The following KNTC1 variants were observed in gnomAD, a reference collection of about 807,000 sequenced individuals.
KNTC1 encodes kinetochore-associated protein 1.
KNTC1 carries 253 observed loss-of-function variants against 314.4 expected under a neutral mutation model. That is an observed-to-expected ratio of 0.80 (90% CI 0.73 to 0.89). KNTC1 has a LOEUF of 0.89. Ranked by LOEUF, KNTC1 falls within the 40% of genes least tolerant of loss-of-function variation. KNTC1 has a pLI of 0.00. For synonymous variants in KNTC1, 901 were observed against 901.4 expected, an observed-to-expected ratio of 1.00 and a Z score of 0.01; for missense variants, 2,475 against 2,572.9, an observed-to-expected ratio of 0.96 and a Z score of 0.82.
intron 33 of KNTC1, among the ~76,000 whole-genome samples, chr12:122,582,341 C>T (rs978593430): frequency 6.6e-6 from 1 of 152,108 alleles, no homozygotes; most frequent in East Asian, 1.9e-4. Flanking sequence ...TGGTGTGAGA[C>T]TAGAAGGTGG....
chr12:122,565,367 G>C (rs1204943150), intron 20 of KNTC1, among the ~76,000 whole-genome samples: 1 of 151,558 alleles, frequency 6.6e-6, no homozygotes, highest in Non-Finnish European at 1.5e-5. Context: ...TGATCCTCCT[G>C]CCTCGGCCTC....
intron 55 of KNTC1, among the ~76,000 whole-genome samples, chr12:122,614,108 G>A (rs1177378548): frequency 6.6e-6 from 1 of 152,130 alleles, no homozygotes; most frequent in Non-Finnish European, 1.5e-5. Context: ...TGGGATTACA[G>A]GCATGAGCCA....
At chr12:122,579,693 C>G (rs1965272299) in intron 31 of KNTC1, among the ~76,000 whole-genome samples, 2 of 152,076 alleles carry the variant, frequency 1.3e-5, no homozygotes, top group Admixed American at 6.6e-5. Flanking sequence ...GTTGCATATT[C>G]TTTGATATTT....
intron 24 of KNTC1, 81 bp downstream of exon 24, chr12:122,571,207 G>C (rs1964661056): frequency 1.2e-5 from 12 of 988,544 alleles, no homozygotes; most frequent in Non-Finnish European, 1.8e-5. Flanking sequence ...TGAAGTATCT[G>C]GAAATATATC....
At chr12:122,622,712 G>GCTGAGGTGGGTGGATCAC (rs1566024944) in intron 62 of KNTC1, 105 bp downstream of exon 62, 2 of 915,670 alleles carry the variant, frequency 2.2e-6, no homozygotes, top group Non-Finnish European at 3.2e-6. Flanking sequence ...ACTTTGGGAA[G>GCTGAGGTGGGTGGATCAC]CTGAGGTGGG....
At chr12:122,594,460 G>A (rs1282700829) in intron 43 of KNTC1, 75 bp downstream of exon 43, 2 of 857,322 alleles carry the variant, frequency 2.3e-6, no homozygotes, top group Non-Finnish European at 3.9e-6. Context: ...CAGTAATAAC[G>A]ATGATTATTT....
At chr12:122,570,662 A>G (rs949675937) in intron 22 of KNTC1, among the ~76,000 whole-genome samples, 1 of 152,158 alleles carries the variant, frequency 6.6e-6, no homozygotes, top group African/African-American at 2.4e-5. Flanking sequence ...CCATGTTGTG[A>G]TTATTTCACA....
chr12:122,536,691 G>C (rs1961867418), intron 3 of KNTC1, among the ~76,000 whole-genome samples: 1 of 150,892 alleles, frequency 6.6e-6, no homozygotes, highest in Admixed American at 6.6e-5. Flanking sequence ...GGTAATTTTT[G>C]TATTTTTAGT....
intron 6 of KNTC1, among the ~76,000 whole-genome samples, chr12:122,543,347 C>T (rs1962495062): frequency 6.6e-6 from 1 of 152,156 alleles, no homozygotes; most frequent in South Asian, 2.1e-4. Context: ...GTGAGAAGCA[C>T]AGGAGAGTTG....
chr12:122,605,079 A>C lies in KNTC1; in HGVS notation c.5378A>C (p.Asp1793Ala), dbSNP rs762907888. ...NQRIQNSSGT[D>A]YPDIHAAAKE... ...AGAATTCAGAATTCATCTGGCACAGATTATCCTGGTGAGGACAAAACAATT... is the reference window on the plus strand; with the variant it reads ...AGAATTCAGAATTCATCTGGCACAGCTTATCCTGGTGAGGACAAAACAATT... The change falls in exon 50 of 64, where the codon GAT (aspartate) becomes GCT (alanine). Residue 1793 changes from aspartate (D) to alanine (A), a missense_variant. Transcript: ENST00000333479. The C allele has an allele frequency of 6.2e-7, 1 of 1,608,748 alleles. No homozygotes were observed. The highest frequency in any genetic ancestry group is 1.3e-5 in the African/African-American group (1 of 74,852).
intron 62 of KNTC1, among the ~76,000 whole-genome samples, chr12:122,624,106 C>G (rs533878150): frequency 6.6e-6 from 1 of 152,126 alleles, no homozygotes; most frequent in Admixed American, 6.6e-5. Context: ...TAACATGTCT[C>G]TTTTTCATAA....
intron 51 of KNTC1, among the ~76,000 whole-genome samples, chr12:122,605,963 C>T (rs1002981124): frequency 3.3e-5 from 5 of 152,216 alleles, no homozygotes; most frequent in African/African-American, 1.2e-4. Context: ...CCACCTCAGC[C>T]TCCCGAGTAG....
At chr12:122,580,923 G>A (rs1369627804) in intron 33 of KNTC1, among the ~76,000 whole-genome samples, 2 of 152,104 alleles carry the variant, frequency 1.3e-5, no homozygotes, top group East Asian at 3.9e-4. Flanking sequence ...AGCTACTCGG[G>A]AGGCCGAGGC....
At chr12:122,562,616 T>C in intron 19 of KNTC1, 22 bp from the exon 20 acceptor site, 2 of 1,404,476 alleles carry the variant, frequency 1.4e-6, no homozygotes, top group Non-Finnish European at 2.0e-6. Context: ...AAATTCAGAT[T>C]ATTAAATTAT....
At chr12:122,554,076 A>ATATATATATATATATATATAT (rs1555224817) in intron 16 of KNTC1, among the ~76,000 whole-genome samples, 7 of 109,056 alleles carry the variant, frequency 6.4e-5, no homozygotes, top group African/African-American at 1.6e-4. Context: ...AAAAAAAAAA[A>ATATATATATATATATATATAT]ATATATATAT....
In KNTC1 at chr12:122,541,328, C is replaced by T. The variant is rs1166497239; in HGVS notation, c.446-722C>T. Among the ~76,000 whole-genome samples, 17 of 146,014 alleles carry T rather than the reference C, an allele frequency of 1.2e-4. 1 individual carries two copies. In the South Asian group the frequency reaches 3.6e-3, roughly 31 times the overall value. On this transcript the variant is annotated intron_variant, in intron 5 of 63. Transcript: ENST00000333479. Reference sequence around the variant, plus strand: ...TCCTTCCTTCCTTCCTTCCTTCCGTCCTTCCTCTGTCTCTCCCTCTCTTTT... The same window carrying T: ...TCCTTCCTTCCTTCCTTCCTTCCGTTCTTCCTCTGTCTCTCCCTCTCTTTT...
chr12:122,604,168 C>CTT (rs1163057379), intron 48 of KNTC1, among the ~76,000 whole-genome samples: 39 of 100,330 alleles, frequency 3.9e-4, no homozygotes, highest in Admixed American at 6.2e-4. Context: ...CCCCGGTGGG[C>CTT]TTTTTTTTTT....
chr12:122,620,456 C>T lies in KNTC1; in HGVS notation c.6150-23C>T, dbSNP rs1453550616. The T allele has an allele frequency of 3.1e-6, 5 of 1,602,986 alleles. No homozygotes were observed. The Admixed American group carries it at 8.5e-5, about 27-fold the overall frequency. Reference sequence around the variant, plus strand: ...TCTAGTGAATCTGCCAGATTATTAACTAATTAATGTTCTCTCTCGAAGATG... The same window carrying T: ...TCTAGTGAATCTGCCAGATTATTAATTAATTAATGTTCTCTCTCGAAGATG... On this transcript the variant is annotated intron_variant, in intron 59 of 63. Transcript: ENST00000333479.
At chr12:122,555,944 C>T (rs566666300) in intron 16 of KNTC1, among the ~76,000 whole-genome samples, 2 of 152,266 alleles carry the variant, frequency 1.3e-5, no homozygotes, top group East Asian at 1.9e-4. Context: ...ATGATTAAAT[C>T]AAGCTAATTA....
Sources: gnomAD v4.1 joint callset for allele counts (sites outside exome capture counted in the v4.1 genomes callset) on GRCh38, gnomAD v4.1.1 for gene constraint, MANE v1.5 for transcripts, NCBI Gene and HGNC (gene_info 2026-07-23, HGNC 2026-07-21) for gene names.